Variants in NCOA1 observed in about 807,000 individuals in gnomAD.
NCOA1 encodes nuclear receptor coactivator 1.
In NCOA1, 35 loss-of-function variants were observed where a neutral mutation model predicts 150.9. That is an observed-to-expected ratio of 0.23 (90% confidence interval 0.18 to 0.31). The LOEUF is 0.31. Ranked by LOEUF, NCOA1 falls within the 10% of genes least tolerant of loss-of-function variation. The probability of loss-of-function intolerance (pLI) is 1.00; values close to 1 mark genes in which losing one functional copy is unlikely to be tolerated. For missense variants in NCOA1, 1,491 were observed against 1,749.3 expected, an observed-to-expected ratio of 0.85 and a Z score of 2.63; for synonymous variants, 590 against 630.0, an observed-to-expected ratio of 0.94 and a Z score of 0.95.
chr2:24,559,720 T>TTGGTATTGGTGC (rs1168877784), intron 1 of NCOA1, among the ~76,000 whole-genome samples: 1 of 152,134 alleles, frequency 6.6e-6, no homozygotes, highest in Non-Finnish European at 1.5e-5. Context: ...AGAAGTTTCT[T>TTGGTATTGGTGC]TGGTATTGGT....
At chr2:24,738,959 A>G (rs1663466355) in intron 17 of NCOA1, among the ~76,000 whole-genome samples, 1 of 152,200 alleles carries the variant, frequency 6.6e-6, no homozygotes, top group African/African-American at 2.4e-5. Context: ...CACCAGACAT[A>G]GTACCTCCAA....
intron 7 of NCOA1, among the ~76,000 whole-genome samples, chr2:24,674,151 GTA>G (rs1553446026): frequency 8.3e-5 from 12 of 145,212 alleles, no homozygotes; most frequent in African/African-American, 2.9e-4. Context: ...GTGTGTGTGT[GTA>G]TATATTTCTA....
At chr2:24,692,407 G>A (rs947163025) in intron 9 of NCOA1, among the ~76,000 whole-genome samples, 6 of 152,162 alleles carry the variant, frequency 3.9e-5, no homozygotes, top group African/African-American at 7.2e-5. Flanking sequence ...GTGATATTGT[G>A]TTTAACATCC....
intron 3 of NCOA1, among the ~76,000 whole-genome samples, chr2:24,587,825 A>G (rs948984436): frequency 6.6e-6 from 1 of 152,216 alleles, no homozygotes; most frequent in Non-Finnish European, 1.5e-5. Context: ...TTGGCGGCCC[A>G]GGTAAAATGT....
At chr2:24,581,969 G>A (rs1365606005) in intron 2 of NCOA1, among the ~76,000 whole-genome samples, 1 of 152,092 alleles carries the variant, frequency 6.6e-6, no homozygotes, top group African/African-American at 2.4e-5. Context: ...TACAGTTAAA[G>A]GCCATATATG....
intron 1 of NCOA1, among the ~76,000 whole-genome samples, chr2:24,532,384 T>C (rs1009438117): frequency 1.3e-5 from 2 of 152,228 alleles, no homozygotes; most frequent in African/African-American, 4.8e-5. Flanking sequence ...TGCAAAAATT[T>C]TCTTCCATTC....
chr2:24,717,303 G>T (rs935067320), intron 14 of NCOA1, among the ~76,000 whole-genome samples: 11 of 152,174 alleles, frequency 7.2e-5, no homozygotes, highest in Admixed American at 2.0e-4. Context: ...ACCTGCACAT[G>T]AATGTTTATG....
chr2:24,581,940 T>G (rs1667210069), intron 2 of NCOA1, among the ~76,000 whole-genome samples: 1 of 152,104 alleles, frequency 6.6e-6, no homozygotes, highest in Admixed American at 6.5e-5. Flanking sequence ...AAATTAGACA[T>G]AGAAGGAATA....
chr2:24,722,577 C>T lies in NCOA1; in HGVS notation c.2600-4012C>T, dbSNP rs934257130. Reference sequence around the variant, plus strand: ...GACCTGTGGACTGGTTGAGATAGTTCCTGAAGAATTCCAAAAATATTTAAG... The same window carrying T: ...GACCTGTGGACTGGTTGAGATAGTTTCTGAAGAATTCCAAAAATATTTAAG... On this transcript the variant is annotated intron_variant, in intron 14 of 22. Coordinates refer to ENST00000348332, the MANE Select transcript of NCOA1 (RefSeq NM_003743.5). Among the ~76,000 whole-genome samples the T allele has an allele frequency of 3.3e-5, 5 of 151,964 alleles. No homozygotes were observed. In the South Asian group the frequency reaches 1.0e-3, roughly 32 times the overall value.
chr2:24,763,400 G>A (rs922149692), intron 22 of NCOA1, among the ~76,000 whole-genome samples: 5 of 148,116 alleles, frequency 3.4e-5, no homozygotes, highest in South Asian at 2.1e-4. Context: ...TTAGCCGGGT[G>A]AGGTGGCGGG....
intron 11 of NCOA1, among the ~76,000 whole-genome samples, chr2:24,699,400 C>T (rs1008324131): frequency 8.5e-5 from 13 of 152,258 alleles, no homozygotes; most frequent in African/African-American, 2.2e-4. Context: ...AAACCTTCAA[C>T]GGAATTCCCC....
intron 1 of NCOA1, among the ~76,000 whole-genome samples, chr2:24,528,705 G>A (rs1299051322): frequency 6.6e-6 from 1 of 152,020 alleles, no homozygotes; most frequent in East Asian, 1.9e-4. Flanking sequence ...TTTAATAGAT[G>A]CAAAAGAATG....
At chr2:24,514,036 C>T in intron 1 of NCOA1, among the ~76,000 whole-genome samples, 1 of 152,114 alleles carries the variant, frequency 6.6e-6, no homozygotes, top group East Asian at 1.9e-4. Context: ...TGCCTGTAAT[C>T]TCAGCACTTT....
chr2:24,754,053 C>T (rs1051789441), intron 20 of NCOA1, among the ~76,000 whole-genome samples: 4 of 152,176 alleles, frequency 2.6e-5, no homozygotes, highest in Non-Finnish European at 5.9e-5. Flanking sequence ...TTCTCTTTCT[C>T]ACATCCCACA....
chr2:24,659,195 T>G (rs948425713), intron 5 of NCOA1: 1 of 173,100 alleles, frequency 5.8e-6, no homozygotes, highest in African/African-American at 2.4e-5. Flanking sequence ...TTGTTTGTTC[T>G]TGCTCATCAT....
At chr2:24,729,192 A>T (rs1479250114) in intron 16 of NCOA1, among the ~76,000 whole-genome samples, 1 of 152,228 alleles carries the variant, frequency 6.6e-6, no homozygotes. Context: ...ATAGTAAGCT[A>T]TTAAATGTAA....
chr2:24,656,617 C>G (rs1167975453), intron 4 of NCOA1, among the ~76,000 whole-genome samples: 1 of 152,204 alleles, frequency 6.6e-6, no homozygotes, highest in Non-Finnish European at 1.5e-5. Context: ...TGGCTATCCT[C>G]TCCTCCTCAC....
intron 1 of NCOA1, among the ~76,000 whole-genome samples, chr2:24,561,061 T>C (rs1291463155): frequency 1.3e-5 from 2 of 152,200 alleles, no homozygotes; most frequent in East Asian, 3.8e-4. Flanking sequence ...TAAAGAAACA[T>C]TTCCTAACTT....
At chr2:24,632,972 T>C (rs375705729) in intron 3 of NCOA1, among the ~76,000 whole-genome samples, 44 of 152,214 alleles carry the variant, frequency 2.9e-4, no homozygotes, top group East Asian at 2.1e-3. Flanking sequence ...CTAAATACCA[T>C]TGGGCATCTG....
Sources: gnomAD v4.1 joint callset for allele counts (sites outside exome capture counted in the v4.1 genomes callset) on GRCh38, gnomAD v4.1.1 for gene constraint, MANE v1.5 for transcripts, NCBI Gene and HGNC (gene_info 2026-07-23, HGNC 2026-07-21) for gene names.